Variants in TESC observed in about 807,000 individuals in gnomAD.
TESC encodes the protein calcineurin B homologous protein 3.
Under a neutral mutation model 31.0 loss-of-function variants are expected in TESC, and 19 were observed. The ratio of observed to expected loss-of-function variants is 0.61; its 90% CI spans 0.43 to 0.90. The LOEUF is 0.90. TESC is among the 40% of genes least tolerant of loss of function. TESC has a pLI of 0.00. For synonymous variants in TESC, 109 were observed against 114.8 expected, an observed-to-expected ratio of 0.95 and a Z score of 0.32; for missense variants, 248 against 303.8, an observed-to-expected ratio of 0.82 and a Z score of 1.36.
chr12:117,063,497 G>C (rs1174378320), intron 2 of TESC, among the ~76,000 whole-genome samples: 1 of 152,116 alleles, frequency 6.6e-6, no homozygotes, highest in Non-Finnish European at 1.5e-5. Context: ...GTTTCCGGTG[G>C]CTTTCGGAGC....
chr12:117,045,853 C>A (rs891069113), intron 6 of TESC, among the ~76,000 whole-genome samples: 2 of 152,240 alleles, frequency 1.3e-5, no homozygotes, highest in Non-Finnish European at 2.9e-5. Context: ...CACCTGCCTG[C>A]CTGAGTGGTC....
intron 4 of TESC, among the ~76,000 whole-genome samples, chr12:117,047,213 T>C (rs1954581917): frequency 6.6e-6 from 1 of 152,196 alleles, no homozygotes; most frequent in African/African-American, 2.4e-5. Flanking sequence ...GTTCAAAATA[T>C]TGTTCCCACA....
chr12:117,070,831 T>G (rs1358304971), intron 2 of TESC, among the ~76,000 whole-genome samples: 3 of 151,970 alleles, frequency 2.0e-5, no homozygotes, highest in South Asian at 4.2e-4. Flanking sequence ...ATGAGCCAGG[T>G]GTGGTGGCAC....
Position 117,046,683 on chromosome 12 carries a change from A to G in TESC, c.412-17T>C. On this transcript the variant is annotated splice_polypyrimidine_tract_variant and intron_variant, in intron 5 of 7. Coordinates refer to ENST00000335209, the MANE Select transcript of TESC (RefSeq NM_017899.4). ...CTCGACCACCTGCCAGGTGGGGCGG[A>G]AACAAACGGTGACCTTGGGCCTCCA... The G allele has an allele frequency of 6.4e-7, 1 of 1,552,188 alleles. No individual in the cohort carries two copies. Among genetic ancestry groups the G allele is most frequent in the Non-Finnish European group, 8.7e-7 (1 of 1,147,160 alleles).
intron 1 of TESC, among the ~76,000 whole-genome samples, chr12:117,078,523 T>G (rs1565972788): frequency 6.6e-6 from 1 of 151,924 alleles, no homozygotes; most frequent in Non-Finnish European, 1.5e-5. Flanking sequence ...AGCCAATTTT[T>G]GTTTAAAGTA....
At chr12:117,040,315 T>C (rs867324304) in intron 7 of TESC, among the ~76,000 whole-genome samples, 1 of 152,126 alleles carries the variant, frequency 6.6e-6, no homozygotes, top group Admixed American at 6.5e-5. Flanking sequence ...CGGTGGTTTC[T>C]GCTAAGTGCC....
intron 2 of TESC, among the ~76,000 whole-genome samples, chr12:117,057,805 G>A (rs540406708): frequency 2.6e-5 from 4 of 151,834 alleles, no homozygotes; most frequent in South Asian, 2.1e-4. Flanking sequence ...TCGCTCTGCC[G>A]CCCAGGCTGG....
At chr12:117,089,134 G>T (rs1398715502) in intron 1 of TESC, among the ~76,000 whole-genome samples, 1 of 152,212 alleles carries the variant, frequency 6.6e-6, no homozygotes, top group Non-Finnish European at 1.5e-5. Context: ...GACGGCAGGG[G>T]AAAGAGCAGG....
intron 1 of TESC, among the ~76,000 whole-genome samples, chr12:117,088,488 C>T (rs1459012094): frequency 6.6e-6 from 1 of 152,256 alleles, no homozygotes; most frequent in East Asian, 1.9e-4. Flanking sequence ...TGAGACCAGC[C>T]TGGCCAACAT....
At chr12:117,042,805 G>A (rs565120931) in intron 6 of TESC, among the ~76,000 whole-genome samples, 11 of 152,306 alleles carry the variant, frequency 7.2e-5, no homozygotes, top group East Asian at 3.9e-4. Flanking sequence ...AATAGAAGGC[G>A]AGGGACATAA....
chr12:117,072,092 G>A (rs750310370), intron 2 of TESC, among the ~76,000 whole-genome samples: 6 of 152,250 alleles, frequency 3.9e-5, no homozygotes, highest in South Asian at 4.1e-4. Flanking sequence ...AGGGCTCAGC[G>A]CCTAGAACCT....
intron 1 of TESC, among the ~76,000 whole-genome samples, chr12:117,094,214 G>A (rs879796621): frequency 2.0e-5 from 3 of 152,148 alleles, no homozygotes; most frequent in Admixed American, 1.3e-4. Context: ...ACTCGTTTCC[G>A]GTTTAAATCA....
intron 1 of TESC, among the ~76,000 whole-genome samples, chr12:117,076,545 G>T (rs1222677502): frequency 6.6e-6 from 1 of 152,118 alleles, no homozygotes; most frequent in Non-Finnish European, 1.5e-5. Context: ...CCGTGTTCCA[G>T]CGATTCTCGC....
chr12:117,099,346 G>T lies in TESC; in HGVS notation c.-64C>A. On this transcript the variant is annotated 5_prime_UTR_variant, in exon 1 of 8. Transcript: ENST00000335209. Reference sequence around the variant, plus strand: ...CAGGCCCCGCACTGGCTTCGGCTGCGCAGCGGCGGGACTGGCCTCGGGTCC... The same window carrying T: ...CAGGCCCCGCACTGGCTTCGGCTGCTCAGCGGCGGGACTGGCCTCGGGTCC... 2 of 1,343,110 alleles carry T rather than the reference G, an allele frequency of 1.5e-6. No individual in the cohort carries two copies. The highest frequency in any genetic ancestry group is 1.9e-6 in the Non-Finnish European group (2 of 1,047,810). 83.2% of individuals were successfully genotyped at this position (1,343,110 alleles called of 1,614,324 possible). A position where few individuals can be genotyped will look rare whatever the true frequency, so the allele number is the denominator to read the frequency against.
In TESC at chr12:117,091,637, G is replaced by A. The variant is rs1053535844; in HGVS notation, c.58+7588C>T. The stretch of plus-strand genomic sequence containing the variant: ...TTGAAACAGACCTGAGCCACCCAGT[G>A]AGACCCTAGGAAACAGAGGGGGCGG... On this transcript the variant is annotated intron_variant, in intron 1 of 7. Coordinates refer to ENST00000335209, the MANE Select transcript of TESC (RefSeq NM_017899.4). 3.3e-5 allele frequency among the ~76,000 whole-genome samples: 5 copies of A among 152,312 alleles called. No individual in the cohort carries two copies. The South Asian group carries it at 1.0e-3, about 32-fold the overall frequency.
intron 1 of TESC, among the ~76,000 whole-genome samples, chr12:117,087,676 T>C (rs1023437965): frequency 1.3e-5 from 2 of 152,202 alleles, no homozygotes; most frequent in African/African-American, 4.8e-5. Flanking sequence ...ATAGCAGTAA[T>C]AATAACCACC....
At chr12:117,085,059 C>T (rs1479014927) in intron 1 of TESC, among the ~76,000 whole-genome samples, 2 of 152,250 alleles carry the variant, frequency 1.3e-5, no homozygotes, top group African/African-American at 4.8e-5. Context: ...GGCCAAGGGG[C>T]ACCAGGGTTG....
intron 1 of TESC, among the ~76,000 whole-genome samples, chr12:117,093,689 C>T (rs776444977): frequency 6.6e-6 from 1 of 152,200 alleles, no homozygotes. Context: ...ACTGCGGATA[C>T]GCTGCCTGGC....
intron 1 of TESC, among the ~76,000 whole-genome samples, chr12:117,091,906 T>C (rs1324607279): frequency 6.6e-6 from 1 of 152,188 alleles, no homozygotes; most frequent in Admixed American, 6.5e-5. Context: ...ATGTGCCGAC[T>C]CTCAGAGTCT....
Sources: allele counts gnomAD v4.1 joint callset (sites outside exome capture counted in the v4.1 genomes callset), GRCh38; gene constraint gnomAD v4.1.1; transcripts MANE v1.5; gene names NCBI Gene and HGNC (gene_info 2026-07-23, HGNC 2026-07-21).